Variants in PKP2 observed in about 807,000 individuals in gnomAD.
PKP2 encodes the protein plakophilin-2.
Under a neutral mutation model 83.4 loss-of-function variants are expected in PKP2, and 73 were observed. That is an observed-to-expected ratio of 0.88 (90% confidence interval 0.72 to 1.06). The LOEUF is 1.06. Ranked by LOEUF, PKP2 falls within the 50% of genes least tolerant of loss-of-function variation. The pLI is 0.00. For synonymous variants in PKP2, 409 were observed against 430.4 expected (o/e 0.95, Z 0.62); for missense variants, 966 against 1,065.4 (o/e 0.91, Z 1.30).
intron 3 of PKP2, among the ~76,000 whole-genome samples, chr12:32,875,828 G>A (rs1261886932): frequency 6.6e-6 from 1 of 152,194 alleles, no homozygotes; most frequent in Admixed American, 6.5e-5. Flanking sequence ...GGGAGATGAT[G>A]AGTTTAGTTT....
At chr12:32,888,555 T>C (rs549846541) in intron 1 of PKP2, among the ~76,000 whole-genome samples, 24 of 151,942 alleles carry the variant, frequency 1.6e-4, no homozygotes, top group Admixed American at 2.6e-4. Context: ...AATGGCACGA[T>C]CTCGGCTCAC....
intron 4 of PKP2, among the ~76,000 whole-genome samples, chr12:32,855,719 T>C (rs1956740674): frequency 7.6e-6 from 1 of 130,864 alleles, no homozygotes; most frequent in South Asian, 2.3e-4. Context: ...GAGGTTGCAG[T>C]GAGCCGAGAT....
chr12:32,841,800 C>G (rs1308516321), intron 5 of PKP2, among the ~76,000 whole-genome samples: 2 of 152,182 alleles, frequency 1.3e-5, no homozygotes, highest in East Asian at 1.9e-4. Context: ...GACTGTTACC[C>G]AATGACAGAA....
At chr12:32,818,943 A>C (rs1162816020) in intron 9 of PKP2, among the ~76,000 whole-genome samples, 2 of 152,208 alleles carry the variant, frequency 1.3e-5, no homozygotes, top group African/African-American at 2.4e-5. Context: ...TATTAAAAAA[A>C]CACATATGTC....
chr12:32,858,171 G>A (rs1264140094), intron 4 of PKP2, among the ~76,000 whole-genome samples: 4 of 130,802 alleles, frequency 3.1e-5, no homozygotes, highest in Non-Finnish European at 6.3e-5. Flanking sequence ...TAAAAGCCAG[G>A]CGAGTCCATG....
chr12:32,827,535 A>G (rs1197546430), intron 6 of PKP2, among the ~76,000 whole-genome samples: 1 of 152,194 alleles, frequency 6.6e-6, no homozygotes, highest in Non-Finnish European at 1.5e-5. Context: ...TTTAACAGCT[A>G]GTACTTAAGC....
chr12:32,806,583 T>TG (rs1423842179), intron 9 of PKP2, among the ~76,000 whole-genome samples: 1 of 152,144 alleles, frequency 6.6e-6, no homozygotes, highest in Non-Finnish European at 1.5e-5. Flanking sequence ...TTTCTGATTG[T>TG]GTTATTTGAT....
chr12:32,888,794 C>CT (rs35583236), intron 1 of PKP2, among the ~76,000 whole-genome samples: 77,469 of 136,938 alleles, frequency 0.57, 23,713 homozygotes, highest in Non-Finnish European at 0.72. Flanking sequence ...CGCCCGGCCT[C>CT]TTTTTTTTTT....
intron 3 of PKP2, among the ~76,000 whole-genome samples, chr12:32,872,588 C>T (rs1038927709): frequency 1.4e-4 from 22 of 152,066 alleles, no homozygotes; most frequent in Admixed American, 1.2e-3. Context: ...GTAATCTCCC[C>T]GTAGCCAGCA....
Position 32,868,669 on chromosome 12 carries a change from C to A in PKP2, c.1170+258G>T, listed in dbSNP as rs138264987. ...TCTCGAGTAGCTGGGATTACAGGTA[C>A]CTGCCACTGCACCCAACTAATTTTT... On this transcript the variant is annotated intron_variant, in intron 4 of 12. Coordinates refer to ENST00000340811, the MANE Select transcript of PKP2 (RefSeq NM_001005242.3). Among the ~76,000 whole-genome samples, 3,088 of 152,166 alleles carry A rather than the reference C, an allele frequency of 0.02. 40 individuals carry two copies. The highest frequency in any genetic ancestry group is 0.027 in the Non-Finnish European group (1,833 of 67,998).
intron 6 of PKP2, among the ~76,000 whole-genome samples, chr12:32,838,867 G>C (rs1956564743): frequency 6.6e-6 from 1 of 152,168 alleles, no homozygotes; most frequent in Non-Finnish European, 1.5e-5. Context: ...TGAACCCTCA[G>C]GAACAAGCAC....
intron 1 of PKP2, among the ~76,000 whole-genome samples, chr12:32,887,190 C>T (rs1286133417): frequency 6.6e-6 from 1 of 152,150 alleles, no homozygotes; most frequent in African/African-American, 2.4e-5. Flanking sequence ...AAAGTACTGG[C>T]TATGAGTTCT....
intron 9 of PKP2, among the ~76,000 whole-genome samples, chr12:32,809,521 TG>T: frequency 6.6e-6 from 1 of 152,346 alleles, no homozygotes; most frequent in South Asian, 2.1e-4. Flanking sequence ...TGAGGTGCTG[TG>T]GAAGTGGGGC....
At chr12:32,879,390 G>C (rs1956965253) in intron 1 of PKP2, among the ~76,000 whole-genome samples, 1 of 151,668 alleles carries the variant, frequency 6.6e-6, no homozygotes, top group African/African-American at 2.4e-5. Context: ...AAATTAGCTG[G>C]GCATAGTGGC....
intron 4 of PKP2, among the ~76,000 whole-genome samples, chr12:32,858,078 AAAAAAAATAT>A (rs1165728954): frequency 4.7e-3 from 291 of 62,072 alleles, no homozygotes; most frequent in African/African-American, 0.02. Flanking sequence ...AAAAAAAAAA[AAAAAAAATAT>A]ATATATATAT....
At chr12:32,837,946 T>C (rs1014342001) in intron 6 of PKP2, among the ~76,000 whole-genome samples, 15 of 152,134 alleles carry the variant, frequency 9.9e-5, no homozygotes, top group Non-Finnish European at 2.2e-4. Flanking sequence ...GAACTGAAAA[T>C]AGAATTACCA....
At chr12:32,885,118 T>C (rs778896539) in intron 1 of PKP2, among the ~76,000 whole-genome samples, 9 of 152,146 alleles carry the variant, frequency 5.9e-5, no homozygotes, top group Non-Finnish European at 1.2e-4. Context: ...GCAATTCAGG[T>C]CAAACCAATT....
intron 1 of PKP2, 76 bp downstream of exon 1, chr12:32,896,433 G>C: frequency 8.8e-7 from 1 of 1,131,714 alleles, no homozygotes; most frequent in South Asian, 1.7e-5. Flanking sequence ...CCAGCACGCG[G>C]GGTGAGGGCG....
intron 10 of PKP2, among the ~76,000 whole-genome samples, chr12:32,798,352 A>C (rs1454327854): frequency 6.6e-6 from 1 of 152,058 alleles, no homozygotes; most frequent in African/African-American, 2.4e-5. Flanking sequence ...CAGCCTCCCA[A>C]ACTGCTGGGA....
Sources: allele counts gnomAD v4.1 joint callset (sites outside exome capture counted in the v4.1 genomes callset), GRCh38; gene constraint gnomAD v4.1.1; transcripts MANE v1.5; gene names NCBI Gene and HGNC (gene_info 2026-07-23, HGNC 2026-07-21).